The following SYNC variants were observed in gnomAD, a reference collection of about 807,000 sequenced individuals.
The protein encoded by SYNC is syncoilin.
SYNC carries 38 observed loss-of-function variants against 49.5 expected under a neutral mutation model. That is an observed-to-expected ratio of 0.77 (90% confidence interval 0.59 to 1.01). The LOEUF (loss-of-function observed/expected upper bound fraction) is 1.01, where lower values mean the gene tolerates loss of function less well. Ranked by LOEUF, SYNC falls within the 50% of genes least tolerant of loss-of-function variation. The pLI is 0.00. For synonymous variants in SYNC, 201 were observed against 230.8 expected (o/e 0.87, Z 1.17); for missense variants, 579 against 580.6 (o/e 1.00, Z 0.03).
intron 1 of SYNC, among the ~76,000 whole-genome samples, chr1:32,697,928 A>C (rs1650503854): frequency 6.6e-6 from 1 of 151,948 alleles, no homozygotes; most frequent in South Asian, 2.1e-4. Context: ...GGGTATCAAA[A>C]ACAGTGCCCC....
At chr1:32,682,238 C>A (rs1411036566) in intron 4 of SYNC, 2 of 209,312 alleles carry the variant, frequency 9.6e-6, no homozygotes, top group African/African-American at 2.4e-5. Flanking sequence ...TATTATCAGT[C>A]ATGTGGATTC....
In SYNC at chr1:32,695,228, C is replaced by T; in HGVS notation, c.870G>A (p.Gln290=). The T allele has an allele frequency of 6.4e-7, 1 of 1,553,006 alleles. No individual in the cohort carries two copies. Among genetic ancestry groups the T allele is most frequent in the South Asian group, 1.2e-5 (1 of 84,558 alleles). ...RATQLSEELA[Q]LRDAYQKQKE... Reference sequence around the variant, plus strand: ...TCTGCTTCTGATAGGCATCCCGGAGCTGGGCCAGTTCCTCTGAGAGCTGGG... The same window carrying T: ...TCTGCTTCTGATAGGCATCCCGGAGTTGGGCCAGTTCCTCTGAGAGCTGGG... Residue 290 remains glutamine, a synonymous_variant, in exon 2 of 5, where the codon CAG becomes CAA. Transcript: ENST00000409190.
rs898539310 is a variant in SYNC at position 32,695,525 on chromosome 1, C to G, written c.573G>C (p.Glu191Asp). The stretch of plus-strand genomic sequence containing the variant: ...GCTCATGGATGAGCTGATCCCTCTC[C>G]TCTTCCAGCTGGGCCACAGCTTGGA... The part of the protein sequence containing the change: ...QCVQAVAQLE[E>D]ERDQLIHELV... The change falls in exon 2 of 5, where the codon GAG (glutamate) becomes GAC (aspartate). Residue 191 changes from glutamate (E) to aspartate (D), a missense_variant. Transcript: ENST00000409190. The G allele has an allele frequency of 1.2e-5, 18 of 1,551,498 alleles. No individual in the cohort carries two copies. The highest frequency in any genetic ancestry group is 3.9e-5 in the Admixed American group (2 of 50,904).
At chr1:32,690,280 A>G (rs761816268) in intron 2 of SYNC, among the ~76,000 whole-genome samples, 1 of 152,212 alleles carries the variant, frequency 6.6e-6, no homozygotes, top group African/African-American at 2.4e-5. Flanking sequence ...AAGATGCACA[A>G]ATCGTCAAAT....
intron 4 of SYNC, 101 bp downstream of exon 4, chr1:32,683,909 A>T: frequency 8.6e-7 from 1 of 1,162,294 alleles, no homozygotes. Flanking sequence ...CTAGGATTAC[A>T]GGCGTGAGCC....
intron 2 of SYNC, among the ~76,000 whole-genome samples, chr1:32,690,734 T>C (rs1428332096): frequency 6.6e-6 from 1 of 151,142 alleles, no homozygotes; most frequent in Non-Finnish European, 1.5e-5. Context: ...GCAGATCACC[T>C]GAGGTCAGGA....
At chr1:32,692,604 G>T (rs942035962) in intron 2 of SYNC, among the ~76,000 whole-genome samples, 1 of 151,982 alleles carries the variant, frequency 6.6e-6, no homozygotes, top group Non-Finnish European at 1.5e-5. Context: ...AAATTAGCTG[G>T]GCATGGTGGC....
chr1:32,686,550 G>C (rs1649843656), intron 2 of SYNC, among the ~76,000 whole-genome samples: 1 of 152,222 alleles, frequency 6.6e-6, no homozygotes, highest in Non-Finnish European at 1.5e-5. Flanking sequence ...GTAGTATAAA[G>C]TAACAGGTGC....
In SYNC at chr1:32,695,507, G is replaced by A. The variant is rs1339482720; in HGVS notation, c.591C>T (p.Ile197=). Residue 197 remains isoleucine, a synonymous_variant, in exon 2 of 5, where the codon ATC becomes ATT. Transcript: ENST00000409190. ...AQLEEERDQL[I]HELVLLREPA... ...GTTCCCGGAGCAATACAAGCTCATG[G>A]ATGAGCTGATCCCTCTCCTCTTCCA... The A allele has an allele frequency of 6.4e-7, 1 of 1,551,248 alleles. No homozygotes were observed.
chr1:32,698,020 C>A (rs1258800523), intron 1 of SYNC, among the ~76,000 whole-genome samples: 1 of 150,672 alleles, frequency 6.6e-6, no homozygotes, highest in Non-Finnish European at 1.5e-5. Flanking sequence ...CTCAGGAGTT[C>A]GAGATCAGCC....
At chr1:32,687,833 A>AATTATT (rs148661520) in intron 2 of SYNC, among the ~76,000 whole-genome samples, 817 of 38,224 alleles carry the variant, frequency 0.021, 10 homozygotes, top group African/African-American at 0.036. Flanking sequence ...CTGCCCAGTG[A>AATTATT]ATTATTATTA....
At position 32,695,218 on chromosome 1, in the gene SYNC, C is replaced by T. The variant is rs1429751517; in HGVS notation, c.880G>A (p.Ala294Thr). The change falls in exon 2 of 5, where the codon GCC becomes ACC. Residue 294 changes from alanine (A) to threonine (T), a missense_variant. By Grantham distance (58) the Ala-to-Thr change is moderately conservative. Transcript: ENST00000409190. ...LSEELAQLRD[A>T]YQKQKEQLRQ... ...AGCTGCTCCTTCTGCTTCTGATAGG[C>T]ATCCCGGAGCTGGGCCAGTTCCTCT... The T allele has an allele frequency of 1.9e-6, 3 of 1,553,950 alleles. No homozygotes were observed. In the South Asian group the frequency reaches 3.5e-5, roughly 18 times the overall value.
chr1:32,700,199 C>T (rs936232117), intron 1 of SYNC, among the ~76,000 whole-genome samples: 1 of 152,178 alleles, frequency 6.6e-6, no homozygotes, highest in African/African-American at 2.4e-5. Context: ...CCTGTACTAC[C>T]TGGGAAGGCA....
Position 32,695,071 on chromosome 1 carries a change from ACTCCTC to A in SYNC, c.1021_1026del (p.Glu341_Glu342del). On this transcript the variant is annotated inframe_deletion, in exon 2 of 5. Coordinates refer to ENST00000409190, the MANE Select transcript of SYNC (RefSeq NM_030786.3). The stretch of plus-strand genomic sequence containing the variant: ...AGGAGCCGCAGGAACTGAGGCTCAT[ACTCCTC>A]CTCCAGGTCCTGGCGGCTCTCTGCC... 2 of 1,612,304 alleles carry A rather than the reference ACTCCTC, an allele frequency of 1.2e-6. No individual in the cohort carries two copies. Among genetic ancestry groups the A allele is most frequent in the Non-Finnish European group, 1.7e-6 (2 of 1,179,722 alleles).
At chr1:32,683,562 C>CT (rs1649594304) in intron 4 of SYNC, 1 of 153,660 alleles carries the variant, frequency 6.5e-6, no homozygotes, top group African/African-American at 2.4e-5. Context: ...GAATGCCTGA[C>CT]TCAGGCGTTT....
In SYNC at chr1:32,680,376, T is replaced by TTTA; in HGVS notation, c.*1473_*1474insTAA. ...TTGTTGGTTTTTTTTTTTTTTTTTT[T>TTTA]AACTTGGGACCACCAAGTTGTAAAG... On this transcript the variant is annotated 3_prime_UTR_variant, in exon 5 of 5. Transcript: ENST00000409190. The TTTA allele has an allele frequency of 8.9e-7, 1 of 1,129,094 alleles. No homozygotes were observed. Among genetic ancestry groups the TTTA allele is most frequent in the Non-Finnish European group, 1.1e-6 (1 of 911,540 alleles). 69.9% of individuals were successfully genotyped at this position (1,129,094 alleles called of 1,614,324 possible).
At position 32,695,659 on chromosome 1, in the gene SYNC, C is replaced by T. The variant is rs377636815; in HGVS notation, c.439G>A (p.Glu147Lys). 1.2e-4 allele frequency: 191 copies of T among 1,551,642 alleles called. No individual in the cohort carries two copies. In the African/African-American group the frequency reaches 2.0e-3, roughly 16 times the overall value. ...VYEGETVTRAEKSNPEESLRA... is the reference protein window; with the variant it reads ...VYEGETVTRAKKSNPEESLRA... ...AGGCTCTCCTCAGGGTTAGATTTCT[C>T]CGCCCTTGTGACTGTCTCTCCCTCA... The change falls in exon 2 of 5, where the codon GAG (glutamate) becomes AAG (lysine). Residue 147 changes from glutamate (E) to lysine (K), a missense_variant. Glu to Lys is a moderately conservative substitution (Grantham distance 56, BLOSUM62 1). Coordinates refer to ENST00000409190, the MANE Select transcript of SYNC (RefSeq NM_030786.3).
At position 32,680,245 on chromosome 1, in the gene SYNC, C is replaced by T. The variant is rs181724627; in HGVS notation, c.*1605G>A. ...TTTCTTCAGTTAAGTCAAAACAACA[C>T]GTTCCTCTTTCCCCATATATTCATA... On this transcript the variant is annotated 3_prime_UTR_variant, in exon 5 of 5. Transcript: ENST00000409190. The T allele has an allele frequency of 3.8e-4, 440 of 1,169,554 alleles. 1 individual carries two copies. The African/African-American group carries it at 5.4e-3, about 14-fold the overall frequency. 72.4% of individuals were successfully genotyped at this position (1,169,554 alleles called of 1,614,324 possible).
intron 2 of SYNC, among the ~76,000 whole-genome samples, chr1:32,687,682 G>GA (rs1351621409): frequency 7.5e-6 from 1 of 132,782 alleles, no homozygotes; most frequent in Non-Finnish European, 1.7e-5. Context: ...AAAAAAAAAA[G>GA]AAAAAAATGT....
Sources: gnomAD v4.1 joint callset for allele counts (sites outside exome capture counted in the v4.1 genomes callset) on GRCh38, gnomAD v4.1.1 for gene constraint, MANE v1.5 for transcripts, NCBI Gene and HGNC (gene_info 2026-07-23, HGNC 2026-07-21) for gene names.